DTD1: variants seen among roughly 807,000 people sequenced by gnomAD.
DTD1 encodes D-aminoacyl-tRNA deacylase 1, also known as D-tyrosyl-tRNA deacylase 1 homolog.
Under a neutral mutation model 25.6 loss-of-function variants are expected in DTD1, and 13 were observed. That is an observed-to-expected ratio of 0.51 (90% CI 0.33 to 0.81). The LOEUF is 0.81. DTD1 is among the 30% of genes least tolerant of loss of function. The pLI is 0.02. For synonymous variants in DTD1, 110 were observed against 103.6 expected, an observed-to-expected ratio of 1.06 and a Z score of -0.37; for missense variants, 193 against 266.4, an observed-to-expected ratio of 0.72 and a Z score of 1.92.
intron 5 of DTD1, among the ~76,000 whole-genome samples, chr20:18,760,082 C>G (rs1264700678): frequency 2.0e-5 from 3 of 152,180 alleles, no homozygotes; most frequent in Non-Finnish European, 4.4e-5. Flanking sequence ...GTTTTCAGCT[C>G]CATCAGGTCC....
intron 5 of DTD1, among the ~76,000 whole-genome samples, chr20:18,746,206 G>A (rs986295735): frequency 8.5e-5 from 13 of 152,112 alleles, no homozygotes; most frequent in Admixed American, 4.6e-4. Flanking sequence ...GCCAGGTCTC[G>A]GACATACAAT....
At chr20:18,721,408 C>T (rs2061203051) in intron 4 of DTD1, among the ~76,000 whole-genome samples, 1 of 152,152 alleles carries the variant, frequency 6.6e-6, no homozygotes, top group Admixed American at 6.5e-5. Context: ...TGGCAAAAGT[C>T]AGATTTGGTC....
intron 3 of DTD1, among the ~76,000 whole-genome samples, chr20:18,598,288 TC>T (rs2060619859): frequency 2.0e-5 from 3 of 152,310 alleles, no homozygotes; most frequent in South Asian, 2.1e-4. Flanking sequence ...TTCATCCATG[TC>T]CCTGCAAAGG....
At chr20:18,634,976 A>T (rs1251407576) in intron 4 of DTD1, among the ~76,000 whole-genome samples, 1 of 152,214 alleles carries the variant, frequency 6.6e-6, no homozygotes, top group East Asian at 1.9e-4. Context: ...TGTTGTTGCT[A>T]ATAACTTTGC....
At chr20:18,756,649 A>C (rs971177926) in intron 5 of DTD1, among the ~76,000 whole-genome samples, 5 of 152,192 alleles carry the variant, frequency 3.3e-5, no homozygotes, top group Non-Finnish European at 7.4e-5. Flanking sequence ...TGGTACCAGT[A>C]CCATGCTGTT....
chr20:18,636,320 C>T (rs2060807245), intron 4 of DTD1, among the ~76,000 whole-genome samples: 1 of 152,110 alleles, frequency 6.6e-6, no homozygotes, highest in South Asian at 2.1e-4. Flanking sequence ...GAATTCTTAG[C>T]TTGTTAAGTG....
At chr20:18,738,792 C>T (rs1423219323) in intron 4 of DTD1, among the ~76,000 whole-genome samples, 1 of 152,176 alleles carries the variant, frequency 6.6e-6, no homozygotes, top group Non-Finnish European at 1.5e-5. Context: ...GCGGTGTAGG[C>T]AGCTGGCAGT....
chr20:18,666,168 A>G (rs891853500), intron 4 of DTD1, among the ~76,000 whole-genome samples: 1 of 152,114 alleles, frequency 6.6e-6, no homozygotes, highest in African/African-American at 2.4e-5. Context: ...CATGTACTCT[A>G]TAGAATATCT....
intron 5 of DTD1, among the ~76,000 whole-genome samples, chr20:18,752,414 G>T (rs1318543578): frequency 1.3e-5 from 2 of 152,020 alleles, no homozygotes; most frequent in Non-Finnish European, 2.9e-5. Flanking sequence ...GGGAAAGTTT[G>T]TAATGACCTA....
At chr20:18,665,122 C>T (rs1049358463) in intron 4 of DTD1, among the ~76,000 whole-genome samples, 8 of 152,108 alleles carry the variant, frequency 5.3e-5, no homozygotes, top group Non-Finnish European at 1.0e-4. Flanking sequence ...AAGTAGTGAA[C>T]GGGCATTATG....
At chr20:18,672,213 G>A (rs909010488) in intron 4 of DTD1, among the ~76,000 whole-genome samples, 2 of 152,054 alleles carry the variant, frequency 1.3e-5, no homozygotes, top group African/African-American at 4.8e-5. Flanking sequence ...TAGCCCAAGT[G>A]ACAAAGTGAG....
chr20:18,643,285 T>A, intron 4 of DTD1: 1 of 339,940 alleles, frequency 2.9e-6, no homozygotes. Context: ...CATAAATGCC[T>A]TGTTGAGAGT....
At chr20:18,748,504 C>T (rs2061309430) in intron 5 of DTD1, among the ~76,000 whole-genome samples, 1 of 152,268 alleles carries the variant, frequency 6.6e-6, no homozygotes, top group African/African-American at 2.4e-5. Context: ...TGTTAGTGTT[C>T]TGTGGCCCCT....
At position 18,588,105 on chromosome 20, in the gene DTD1, C is replaced by A; in HGVS notation, c.33C>A (p.Ala11=). The change falls in exon 1 of 6, where the codon GCC becomes GCA. Residue 11 remains alanine, a synonymous_variant. Transcript: ENST00000377452. ...CCGTGGTGCAGCGCGTCACCCGGGC[C>A]AGCGTCACAGGTCAGTCGGGCGGGG... MKAVVQRVTR[A]SVTVGGEQIS... The A allele has an allele frequency of 7.6e-7, 1 of 1,321,146 alleles. No individual in the cohort carries two copies. The highest frequency in any genetic ancestry group is 9.6e-7 in the Non-Finnish European group (1 of 1,039,754). 81.8% of individuals were successfully genotyped at this position (1,321,146 alleles called of 1,614,324 possible). A position where few individuals can be genotyped will look rare whatever the true frequency, so the allele number is the denominator to read the frequency against.
At chr20:18,646,381 G>A (rs1431759183) in intron 4 of DTD1, among the ~76,000 whole-genome samples, 1 of 152,202 alleles carries the variant, frequency 6.6e-6, no homozygotes, top group Non-Finnish European at 1.5e-5. Context: ...GCTTCCTGTA[G>A]TCCTGAATCT....
intron 3 of DTD1, among the ~76,000 whole-genome samples, chr20:18,601,206 G>A (rs2060632748): frequency 6.6e-6 from 1 of 152,020 alleles, no homozygotes; most frequent in Non-Finnish European, 1.5e-5. Context: ...TCAAGTTGAA[G>A]ATGTTCTCCC....
chr20:18,632,333 C>T (rs1485551771), intron 4 of DTD1: 35 of 985,458 alleles, frequency 3.6e-5, no homozygotes, highest in East Asian at 1.1e-4. Context: ...AGTTTCCTGG[C>T]CCCCAGAAGC....
At chr20:18,722,960 T>G (rs2061210294) in intron 4 of DTD1, among the ~76,000 whole-genome samples, 1 of 152,108 alleles carries the variant, frequency 6.6e-6, no homozygotes. Context: ...ACAAAAAAAG[T>G]CAAAACACAT....
intron 4 of DTD1, among the ~76,000 whole-genome samples, chr20:18,670,476 A>G (rs1441999426): frequency 6.6e-6 from 1 of 152,174 alleles, no homozygotes; most frequent in Non-Finnish European, 1.5e-5. Flanking sequence ...AAACAAATGT[A>G]AGTCATTTCC....
Sources: gnomAD v4.1 joint callset for allele counts (sites outside exome capture counted in the v4.1 genomes callset) on GRCh38, gnomAD v4.1.1 for gene constraint, MANE v1.5 for transcripts, NCBI Gene and HGNC (gene_info 2026-07-23, HGNC 2026-07-21) for gene names.